The following FHIT variants were observed in gnomAD, a reference collection of about 807,000 sequenced individuals.
FHIT encodes bis(5'-adenosyl)-triphosphatase.
In FHIT, 19 loss-of-function variants were observed where a neutral mutation model predicts 17.9. That is an observed-to-expected ratio of 1.06 (90% confidence interval 0.74 to 1.56). The LOEUF is 1.56. Ranked by LOEUF, FHIT falls within the 40% of genes most tolerant of loss-of-function variation. FHIT has a pLI of 0.00. For synonymous variants in FHIT, 81 were observed against 69.7 expected, an observed-to-expected ratio of 1.16 and a Z score of -0.81; for missense variants, 248 against 189.2, an observed-to-expected ratio of 1.31 and a Z score of -1.82.
chr3:59,933,855 CAAAGAAG>C, intron 7 of FHIT, among the ~76,000 whole-genome samples: 1 of 151,984 alleles, frequency 6.6e-6, no homozygotes, highest in Non-Finnish European at 1.5e-5. Flanking sequence ...AGGGGAAAAA[CAAAGAAG>C]AAAGGAAAGA....
At chr3:60,964,369 G>T (rs1709608569) in intron 3 of FHIT, among the ~76,000 whole-genome samples, 1 of 151,920 alleles carries the variant, frequency 6.6e-6, no homozygotes, top group Admixed American at 6.6e-5. Flanking sequence ...ACACTGATGG[G>T]TCTTGACTCT....
intron 5 of FHIT, among the ~76,000 whole-genome samples, chr3:60,477,793 G>A (rs1226089234): frequency 6.6e-6 from 1 of 152,084 alleles, no homozygotes; most frequent in Non-Finnish European, 1.5e-5. Context: ...CTTGGAAGGA[G>A]GGCAGAGAGC....
chr3:61,023,654 T>C (rs1047082489), intron 3 of FHIT, among the ~76,000 whole-genome samples: 7 of 152,230 alleles, frequency 4.6e-5, no homozygotes, highest in African/African-American at 1.2e-4. Context: ...AACAGATATA[T>C]AGACCAATGA....
intron 5 of FHIT, among the ~76,000 whole-genome samples, chr3:60,299,924 T>C (rs9311758): frequency 0.56 from 85,375 of 151,892 alleles, 25,047 homozygotes; most frequent in East Asian, 0.96. Flanking sequence ...TTTCTCTATA[T>C]TGCTAGACTG....
intron 5 of FHIT, among the ~76,000 whole-genome samples, chr3:60,201,022 G>A (rs951132763): frequency 6.6e-6 from 1 of 152,092 alleles, no homozygotes; most frequent in South Asian, 2.1e-4. Flanking sequence ...GTTCAGCTGG[G>A]AAGACAACCA....
At chr3:59,853,076 G>A (rs562381775) in intron 8 of FHIT, among the ~76,000 whole-genome samples, 2 of 152,316 alleles carry the variant, frequency 1.3e-5, no homozygotes, top group South Asian at 2.1e-4. Flanking sequence ...GTAAGAGCAT[G>A]TAGTTTTGTA....
chr3:60,944,350 A>G (rs1414034204), intron 3 of FHIT, among the ~76,000 whole-genome samples: 1 of 150,650 alleles, frequency 6.6e-6, no homozygotes, highest in Non-Finnish European at 1.5e-5. Flanking sequence ...TTTTTCCTCC[A>G]TCAACTCTGT....
At chr3:60,691,532 G>C (rs2040991655) in intron 4 of FHIT, among the ~76,000 whole-genome samples, 1 of 151,888 alleles carries the variant, frequency 6.6e-6, no homozygotes, top group South Asian at 2.1e-4. Flanking sequence ...ACCACACCTG[G>C]CTAATTTTTG....
intron 7 of FHIT, among the ~76,000 whole-genome samples, chr3:59,934,019 GA>G (rs1040994409): frequency 6.6e-6 from 1 of 151,976 alleles, no homozygotes; most frequent in African/African-American, 2.4e-5. Context: ...AAGCTCTAAA[GA>G]AAAAACCTCA....
chr3:60,727,283 C>T (rs1453815429), intron 4 of FHIT, among the ~76,000 whole-genome samples: 1 of 152,184 alleles, frequency 6.6e-6, no homozygotes, highest in Non-Finnish European at 1.5e-5. Flanking sequence ...TCCACTCTTT[C>T]TCTATAGTTA....
chr3:61,164,837 C>A (rs925728355), intron 2 of FHIT, among the ~76,000 whole-genome samples: 1 of 152,150 alleles, frequency 6.6e-6, no homozygotes, highest in Non-Finnish European at 1.5e-5. Flanking sequence ...CAATTGTTGC[C>A]ATCTTTATGT....
rs113010577 is a variant in FHIT at position 60,599,207 on chromosome 3, A to G, written c.-17-62228T>C. ...TACTCTGTAATAACTTGCATTGTCT[A>G]TAATTTTATTGTGTTAGAACACAAA... is the stretch of plus-strand genomic sequence containing the variant. On this transcript the variant is annotated intron_variant, in intron 4 of 9. Coordinates refer to ENST00000492590, the MANE Select transcript of FHIT (RefSeq NM_002012.4). Among the ~76,000 whole-genome samples the G allele has an allele frequency of 3.9e-3, 593 of 152,242 alleles. 6 individuals carry two copies. Among genetic ancestry groups the G allele is most frequent in the African/African-American group, 0.014 (561 of 41,546 alleles).
At chr3:61,125,988 G>A (rs1441029369) in intron 2 of FHIT, among the ~76,000 whole-genome samples, 1 of 152,084 alleles carries the variant, frequency 6.6e-6, no homozygotes, top group Non-Finnish European at 1.5e-5. Flanking sequence ...TGCTGCTCAG[G>A]GTATTAAGTA....
intron 4 of FHIT, among the ~76,000 whole-genome samples, chr3:60,569,736 T>TATATATATATATATAC (rs1553654763): frequency 1.1e-4 from 5 of 46,274 alleles, no homozygotes; most frequent in Admixed American, 2.6e-4. Flanking sequence ...TATATATATA[T>TATATATATATATATAC]ATATATATAT....
chr3:60,569,129 T>C (rs560714533), intron 4 of FHIT, among the ~76,000 whole-genome samples: 7 of 152,236 alleles, frequency 4.6e-5, no homozygotes, highest in South Asian at 2.1e-4. Flanking sequence ...TTTATGTATG[T>C]TTTATACCCA....
intron 9 of FHIT, chr3:59,750,283 G>T: frequency 8.9e-6 from 2 of 225,780 alleles, no homozygotes; most frequent in Non-Finnish European, 8.8e-6. Context: ...TTGGGAAAAA[G>T]GCTAAAGCTT....
intron 4 of FHIT, among the ~76,000 whole-genome samples, chr3:60,694,871 A>G (rs2041079251): frequency 6.6e-6 from 1 of 151,654 alleles, no homozygotes; most frequent in Non-Finnish European, 1.5e-5. Context: ...CAATGAAAAC[A>G]CTTGGACACA....
At chr3:60,287,118 A>C (rs1297895643) in intron 5 of FHIT, among the ~76,000 whole-genome samples, 1 of 152,222 alleles carries the variant, frequency 6.6e-6, no homozygotes, top group Non-Finnish European at 1.5e-5. Context: ...TATAAAATGC[A>C]ACAATATCAT....
At chr3:60,335,071 C>A (rs988679710) in intron 5 of FHIT, among the ~76,000 whole-genome samples, 10 of 152,058 alleles carry the variant, frequency 6.6e-5, no homozygotes, top group African/African-American at 2.4e-4. Flanking sequence ...GACCAAATTA[C>A]TAGTTGAAGT....
Sources: gnomAD v4.1 joint callset for allele counts (sites outside exome capture counted in the v4.1 genomes callset) on GRCh38, gnomAD v4.1.1 for gene constraint, MANE v1.5 for transcripts, NCBI Gene and HGNC (gene_info 2026-07-23, HGNC 2026-07-21) for gene names.